The following MTREX variants were observed in gnomAD, a reference collection of about 807,000 sequenced individuals.
MTREX encodes Mtr4 exosome RNA helicase.
In MTREX, 76 loss-of-function variants were observed where a neutral mutation model predicts 135.4. That is an observed-to-expected ratio of 0.56 (90% CI 0.47 to 0.68). The LOEUF (loss-of-function observed/expected upper bound fraction) is 0.68, where lower values mean the gene tolerates loss of function less well. Ranked by LOEUF, MTREX falls within the 30% of genes least tolerant of loss-of-function variation. MTREX has a pLI of 0.00. For missense variants in MTREX, 920 were observed against 1,262.1 expected (o/e 0.73, Z 4.11); for synonymous variants, 404 against 401.6 (o/e 1.01, Z -0.07).
Position 55,366,798 on chromosome 5 carries a change from A to G in MTREX, c.1733A>G (p.Glu578Gly). Reference sequence around the variant, plus strand: ...GTTTTGAACTTACTACGTGTAGAAGAAATTAATCCTGAGTACATGTTGGAA... The same window carrying G: ...GTTTTGAACTTACTACGTGTAGAAGGAATTAATCCTGAGTACATGTTGGAA... ...NMVLNLLRVE[E>G]INPEYMLEKS... Residue 578 changes from glutamate (E) to glycine (G), a missense_variant, in exon 16 of 27, where the codon GAA (glutamate) becomes GGA (glycine). By Grantham distance (98) the Glu-to-Gly change is moderately conservative (BLOSUM62 -2). This residue lies in a region of MTREX where 467 missense variants were observed against 589.7 expected (regional missense o/e 0.79). Transcript: ENST00000230640. 6.2e-7 allele frequency: 1 copy of G among 1,611,370 alleles called. No individual in the cohort carries two copies. The highest frequency in any genetic ancestry group is 1.1e-5 in the South Asian group (1 of 90,224).
At chr5:55,329,986 G>T (rs1749444566) in intron 5 of MTREX, among the ~76,000 whole-genome samples, 1 of 151,722 alleles carries the variant, frequency 6.6e-6, no homozygotes, top group Admixed American at 6.6e-5. Flanking sequence ...AGTTTCATTT[G>T]TGGGTCATTT....
At chr5:55,338,609 TGAG>T (rs1749590721) in intron 5 of MTREX, among the ~76,000 whole-genome samples, 1 of 151,524 alleles carries the variant, frequency 6.6e-6, no homozygotes, top group Non-Finnish European at 1.5e-5. Flanking sequence ...TTGAGATACT[TGAG>T]GATGTCTTGC....
intron 1 of MTREX, among the ~76,000 whole-genome samples, chr5:55,315,678 C>G (rs1749187027): frequency 1.3e-5 from 2 of 151,978 alleles, no homozygotes; most frequent in Admixed American, 6.6e-5. Flanking sequence ...TCATACAAAT[C>G]TCCATCAACT....
intron 20 of MTREX, among the ~76,000 whole-genome samples, chr5:55,398,027 G>T (rs1458262462): frequency 6.6e-6 from 1 of 152,096 alleles, no homozygotes; most frequent in Non-Finnish European, 1.5e-5. Context: ...TTTGAAACCA[G>T]CCTGGGCAAC....
intron 22 of MTREX, among the ~76,000 whole-genome samples, chr5:55,406,098 CTTA>C (rs896305815): frequency 1.3e-5 from 2 of 152,144 alleles, no homozygotes; most frequent in African/African-American, 4.8e-5. Context: ...TACAACAGAA[CTTA>C]TTATAAGCCA....
At chr5:55,371,680 T>A (rs1750205778) in intron 16 of MTREX, among the ~76,000 whole-genome samples, 1 of 152,230 alleles carries the variant, frequency 6.6e-6, no homozygotes, top group South Asian at 2.1e-4. Context: ...ACAAGTTGCC[T>A]CATTAATTTA....
At chr5:55,308,619 T>C (rs1749027255) in intron 1 of MTREX, among the ~76,000 whole-genome samples, 3 of 152,190 alleles carry the variant, frequency 2.0e-5, no homozygotes, top group African/African-American at 7.2e-5. Flanking sequence ...TAATAGTGCC[T>C]ACCACTGGTG....
chr5:55,346,043 T>G (rs1749727060), intron 10 of MTREX, among the ~76,000 whole-genome samples: 1 of 152,192 alleles, frequency 6.6e-6, no homozygotes, highest in Non-Finnish European at 1.5e-5. Context: ...ATATACCACA[T>G]TTTGTTTCTC....
intron 1 of MTREX, among the ~76,000 whole-genome samples, chr5:55,312,797 A>G (rs1213039378): frequency 6.6e-6 from 1 of 152,232 alleles, no homozygotes; most frequent in South Asian, 2.1e-4. Context: ...AGTGCTCTTG[A>G]GGTTGGCTGT....
intron 23 of MTREX, among the ~76,000 whole-genome samples, chr5:55,412,488 T>A (rs1750898367): frequency 6.6e-6 from 1 of 152,148 alleles, no homozygotes; most frequent in Admixed American, 6.5e-5. Flanking sequence ...TACATGTTAG[T>A]GGATGAAGAT....
At chr5:55,379,721 C>G (rs1003308090) in intron 18 of MTREX, among the ~76,000 whole-genome samples, 2 of 152,106 alleles carry the variant, frequency 1.3e-5, no homozygotes, top group African/African-American at 4.8e-5. Context: ...CTATTAAATT[C>G]TCTTTTTATG....
At chr5:55,378,184 C>A in intron 16 of MTREX, 130 bp from the exon 17 acceptor site, 1 of 1,049,980 alleles carries the variant, frequency 9.5e-7, no homozygotes, top group Non-Finnish European at 1.3e-6. Flanking sequence ...TAGAGACTTA[C>A]AGGAAGGTGG....
Position 55,388,027 on chromosome 5 carries a change from T to C in MTREX, c.2106T>C (p.Cys702=), listed in dbSNP as rs974366071. 2 of 1,608,876 alleles carry C rather than the reference T, an allele frequency of 1.2e-6. No individual in the cohort carries two copies. The highest frequency in any genetic ancestry group is 1.3e-5 in the African/African-American group (1 of 74,850). Residue 702 remains cysteine, a synonymous_variant, in exon 19 of 27, where the codon TGT becomes TGC. Transcript: ENST00000230640. ...PLYVVEVLLR[C]SKESLKNSAT... ...ATGTAGTAGAAGTACTTCTGCGCTG[T>C]AGCAAAGAGAGCTTGAAAAATTCAG...
At position 55,397,471 on chromosome 5, in the gene MTREX, T is replaced by G. The variant is rs1403686431; in HGVS notation, c.2237T>G (p.Ile746Ser). 6.2e-7 allele frequency: 1 copy of G among 1,611,056 alleles called. No individual in the cohort carries two copies. The highest frequency in any genetic ancestry group is 8.5e-7 in the Non-Finnish European group (1 of 1,177,922). ...LSAISSVRLY[I>S]PKDLRPVDNR... Reference sequence around the variant, plus strand: ...GCTATCAGCAGTGTTAGGCTTTACATTCCTAAAGACCTTCGGCCGGTGGAC... The same window carrying G: ...GCTATCAGCAGTGTTAGGCTTTACAGTCCTAAAGACCTTCGGCCGGTGGAC... Residue 746 changes from isoleucine (I) to serine (S), a missense_variant, in exon 20 of 27, where the codon ATT becomes AGT. Around this residue, in one of 6 missense-constraint regions of MTREX, gnomAD observed 467 missense variants for 589.7 expected, o/e 0.79. Transcript: ENST00000230640.
At chr5:55,371,600 T>G (rs1750203624) in intron 16 of MTREX, among the ~76,000 whole-genome samples, 1 of 152,138 alleles carries the variant, frequency 6.6e-6, no homozygotes, top group South Asian at 2.1e-4. Flanking sequence ...GTTCCTCAAC[T>G]GTCTGATTGG....
intron 2 of MTREX, 138 bp from the exon 3 acceptor site, chr5:55,323,994 T>C: frequency 1.6e-6 from 1 of 630,540 alleles, no homozygotes; most frequent in South Asian, 2.0e-5. Flanking sequence ...CTATGTATTC[T>C]TAATAGCCAA....
intron 5 of MTREX, among the ~76,000 whole-genome samples, chr5:55,329,805 A>G (rs901497235): frequency 7.3e-5 from 11 of 150,612 alleles, no homozygotes; most frequent in African/African-American, 2.7e-4. Context: ...ATTGATTTTT[A>G]TCATTGATTT....
At chr5:55,397,391 A>C (rs1561207993) in intron 19 of MTREX, 25 bp from the exon 20 acceptor site, 2 of 1,470,648 alleles carry the variant, frequency 1.4e-6, no homozygotes, top group Non-Finnish European at 1.9e-6. Flanking sequence ...TTTAACTGTA[A>C]TACTGTATAA....
intron 1 of MTREX, among the ~76,000 whole-genome samples, chr5:55,316,318 G>T (rs1335165304): frequency 6.6e-6 from 1 of 151,996 alleles, no homozygotes; most frequent in African/African-American, 2.4e-5. Context: ...TCAAAAATGG[G>T]CAGAGACACA....
Sources: gnomAD v4.1 joint callset for allele counts (sites outside exome capture counted in the v4.1 genomes callset) on GRCh38, gnomAD v4.1.1 for gene constraint, gnomAD v4.1.1 regional missense constraint, MANE v1.5 for transcripts, NCBI Gene and HGNC (gene_info 2026-07-23, HGNC 2026-07-21) for gene names.